Variants in CSMD1 observed in about 807,000 individuals in gnomAD.
The protein encoded by CSMD1 is CUB and Sushi multiple domains 1.
In CSMD1, 213 loss-of-function variants were observed where a neutral mutation model predicts 417.5. The observed-to-expected ratio is 0.51, with a 90% CI of 0.46 to 0.57. The LOEUF (loss-of-function observed/expected upper bound fraction) is 0.57, where lower values mean the gene tolerates loss of function less well. CSMD1 is among the 20% of genes least tolerant of loss of function. CSMD1 has a pLI of 0.00. For missense variants in CSMD1, 6,923 were observed against 4,529.7 expected, an observed-to-expected ratio of 1.53 and a Z score of -15.17; for synonymous variants, 2,862 against 1,736.8, an observed-to-expected ratio of 1.65 and a Z score of -16.11.
intron 18 of CSMD1, among the ~76,000 whole-genome samples, chr8:3,379,756 A>C (rs540186106): frequency 3.9e-5 from 6 of 152,308 alleles, no homozygotes; most frequent in African/African-American, 1.4e-4. Context: ...CTCAAGATGG[A>C]TTAAAGACTT....
At chr8:4,257,606 T>G (rs188953963) in intron 3 of CSMD1, among the ~76,000 whole-genome samples, 16 of 152,290 alleles carry the variant, frequency 1.1e-4, no homozygotes, top group Admixed American at 9.2e-4. Flanking sequence ...ATAGGAAAAT[T>G]TGGTGAAAAG....
intron 3 of CSMD1, among the ~76,000 whole-genome samples, chr8:4,098,884 C>G (rs1052073822): frequency 1.3e-5 from 2 of 152,158 alleles, no homozygotes; most frequent in Non-Finnish European, 2.9e-5. Context: ...CCAGAAAGCA[C>G]TGAGGACCAA....
At chr8:3,068,305 C>G (rs1813083295) in intron 49 of CSMD1, among the ~76,000 whole-genome samples, 1 of 152,008 alleles carries the variant, frequency 6.6e-6, no homozygotes, top group Non-Finnish European at 1.5e-5. Flanking sequence ...GAATATGTCA[C>G]TTTTTCACCT....
chr8:4,469,486 G>C (rs545377431), intron 2 of CSMD1, among the ~76,000 whole-genome samples: 2 of 152,184 alleles, frequency 1.3e-5, no homozygotes, highest in Non-Finnish European at 2.9e-5. Flanking sequence ...GATCAAAACA[G>C]GTGAGTAGAT....
intron 3 of CSMD1, among the ~76,000 whole-genome samples, chr8:4,222,084 G>C (rs1801064430): frequency 7.1e-6 from 1 of 140,578 alleles, no homozygotes; most frequent in African/African-American, 2.6e-5. Context: ...AAAGCCATTA[G>C]TGGAAGAAAG....
At chr8:4,163,365 T>G (rs1182636869) in intron 3 of CSMD1, among the ~76,000 whole-genome samples, 3 of 152,168 alleles carry the variant, frequency 2.0e-5, no homozygotes, top group East Asian at 1.9e-4. Context: ...TAACTCAGAG[T>G]TATTTTACTC....
chr8:3,468,763 G>C lies in CSMD1; in HGVS notation c.1510C>G (p.Leu504Val). The C allele has an allele frequency of 6.2e-7, 1 of 1,607,542 alleles. No homozygotes were observed. The highest frequency in any genetic ancestry group is 8.5e-7 in the Non-Finnish European group (1 of 1,177,176). The change falls in exon 12 of 70, where the codon CTG (leucine) becomes GTG (valine). Residue 504 changes from leucine to valine, a missense_variant. Coordinates refer to ENST00000635120, the MANE Select transcript of CSMD1 (RefSeq NM_033225.6). ...VSMSNQMWLH[L>V]QSDDSIGSPG... ...GAGCCAATGCTATCATCCGACTGCA[G>C]ATGTAGCCACATCTGGTTGCTCATG...
chr8:4,229,257 G>C (rs1239067049), intron 3 of CSMD1, among the ~76,000 whole-genome samples: 1 of 152,158 alleles, frequency 6.6e-6, no homozygotes, highest in East Asian at 1.9e-4. Context: ...AAGACGCTGA[G>C]ATGCTGAGCA....
At chr8:3,079,011 AG>A (rs1488569447) in intron 49 of CSMD1, among the ~76,000 whole-genome samples, 1 of 152,188 alleles carries the variant, frequency 6.6e-6, no homozygotes, top group Non-Finnish European at 1.5e-5. Context: ...AAAGAACTTC[AG>A]TGAAGTCACT....
chr8:4,688,660 C>G (rs1019053479), intron 1 of CSMD1, among the ~76,000 whole-genome samples: 1 of 152,128 alleles, frequency 6.6e-6, no homozygotes, highest in Non-Finnish European at 1.5e-5. Flanking sequence ...TACCTAAGAA[C>G]AATGCTTCCT....
At chr8:4,294,012 A>G (rs944966253) in intron 3 of CSMD1, among the ~76,000 whole-genome samples, 4 of 152,194 alleles carry the variant, frequency 2.6e-5, no homozygotes, top group East Asian at 1.9e-4. Context: ...AAGTTTTAGG[A>G]TAAGAATCAG....
intron 1 of CSMD1, among the ~76,000 whole-genome samples, chr8:4,763,633 C>T (rs1255619116): frequency 1.3e-5 from 2 of 152,116 alleles, no homozygotes; most frequent in Non-Finnish European, 2.9e-5. Flanking sequence ...ACCAATTATA[C>T]TTAATGGATT....
chr8:3,746,230 C>T (rs942768142), intron 6 of CSMD1, among the ~76,000 whole-genome samples: 3 of 152,190 alleles, frequency 2.0e-5, no homozygotes, highest in Admixed American at 6.5e-5. Context: ...TAAGTTCTTC[C>T]TCCACATCAC....
intron 3 of CSMD1, among the ~76,000 whole-genome samples, chr8:4,346,430 G>A (rs1800781525): frequency 6.6e-6 from 1 of 152,074 alleles, no homozygotes; most frequent in African/African-American, 2.4e-5. Flanking sequence ...GACCCACACA[G>A]TATCTGGCCC....
chr8:4,159,589 CATT>C (rs1409036403), intron 3 of CSMD1, among the ~76,000 whole-genome samples: 1 of 151,868 alleles, frequency 6.6e-6, no homozygotes, highest in Admixed American at 6.6e-5. Context: ...GATTGCAGAC[CATT>C]ATTATTATTA....
chr8:4,698,495 C>G (rs1738801052), intron 1 of CSMD1, among the ~76,000 whole-genome samples: 1 of 151,996 alleles, frequency 6.6e-6, no homozygotes, highest in African/African-American at 2.4e-5. Context: ...AAAACCAGCT[C>G]AGGTGTGTGT....
intron 7 of CSMD1, among the ~76,000 whole-genome samples, chr8:3,618,702 C>A (rs1036762819): frequency 2.6e-5 from 4 of 152,020 alleles, no homozygotes; most frequent in African/African-American, 9.7e-5. Flanking sequence ...TACAGGAGCG[C>A]TAAATGACAG....
intron 5 of CSMD1, among the ~76,000 whole-genome samples, chr8:3,757,101 C>A (rs1458723761): frequency 6.6e-6 from 1 of 152,190 alleles, no homozygotes; most frequent in Non-Finnish European, 1.5e-5. Flanking sequence ...CTGTGCCAGC[C>A]TGGAATTGCA....
intron 1 of CSMD1, among the ~76,000 whole-genome samples, chr8:4,954,464 A>T (rs1808955905): frequency 6.6e-6 from 1 of 152,210 alleles, no homozygotes. Flanking sequence ...TATTGATTTG[A>T]ATGATGACTG....
Sources: gnomAD v4.1 joint callset for allele counts (sites outside exome capture counted in the v4.1 genomes callset) on GRCh38, gnomAD v4.1.1 for gene constraint, MANE v1.5 for transcripts, NCBI Gene and HGNC (gene_info 2026-07-23, HGNC 2026-07-21) for gene names.